The following TANC2 variants were observed in gnomAD, a reference collection of about 807,000 sequenced individuals.
TANC2 encodes protein TANC2.
A neutral mutation model predicts 210.5 loss-of-function variants in TANC2; 26 were observed. That is an observed-to-expected ratio of 0.12 (90% CI 0.09 to 0.17). The LOEUF (loss-of-function observed/expected upper bound fraction) is 0.17, where lower values mean the gene tolerates loss of function less well. TANC2 is among the 10% of genes least tolerant of loss of function. The pLI is 1.00. For synonymous variants in TANC2, 931 were observed against 967.1 expected, an observed-to-expected ratio of 0.96 and a Z score of 0.69; for missense variants, 2,129 against 2,608.9, an observed-to-expected ratio of 0.82 and a Z score of 4.01.
At chr17:63,216,483 G>A (rs2042029981) in intron 7 of TANC2, among the ~76,000 whole-genome samples, 1 of 152,108 alleles carries the variant, frequency 6.6e-6, no homozygotes, top group Admixed American at 6.5e-5. Flanking sequence ...GCAAATTATT[G>A]AACTCGAGGA....
intron 7 of TANC2, among the ~76,000 whole-genome samples, chr17:63,204,456 G>T (rs765116689): frequency 6.6e-6 from 1 of 152,040 alleles, no homozygotes; most frequent in Admixed American, 6.5e-5. Context: ...AATCCCAACA[G>T]TAGTCTTTGC....
intron 3 of TANC2, among the ~76,000 whole-genome samples, chr17:63,090,100 A>G (rs760810800): frequency 4.6e-5 from 7 of 152,056 alleles, no homozygotes; most frequent in African/African-American, 1.4e-4. Context: ...CCCTCAACCT[A>G]ATCCCTAGCA....
At chr17:63,203,899 C>A (rs542246729) in intron 7 of TANC2, among the ~76,000 whole-genome samples, 4 of 152,190 alleles carry the variant, frequency 2.6e-5, no homozygotes, top group Admixed American at 1.3e-4. Flanking sequence ...GGTTGCTTAA[C>A]AAATGACGAA....
chr17:63,335,895 T>TTG (rs1389386291), intron 11 of TANC2, among the ~76,000 whole-genome samples: 1 of 152,086 alleles, frequency 6.6e-6, no homozygotes, highest in Admixed American at 6.5e-5. Context: ...GTGTACTACT[T>TTG]TTGCAACATT....
Position 63,056,912 on chromosome 17 carries a change from G to T in TANC2, c.68-17031G>T, listed in dbSNP as rs1046498382. Among the ~76,000 whole-genome samples, 3 of 152,100 alleles carry T rather than the reference G, an allele frequency of 2.0e-5. No individual in the cohort carries two copies. In the South Asian group the frequency reaches 6.2e-4, roughly 32 times the overall value. Reference sequence around the variant, plus strand: ...ATTTTTTCCCTTTTATTGTTTAGGAGAACAGTCCTGGTGAGGGGAAATGTC... The same window carrying T: ...ATTTTTTCCCTTTTATTGTTTAGGATAACAGTCCTGGTGAGGGGAAATGTC... On this transcript the variant is annotated intron_variant, in intron 2 of 27. Coordinates refer to ENST00000689528, the Ensembl canonical transcript of TANC2.
At chr17:63,144,389 C>T (rs1567760427) in intron 4 of TANC2, among the ~76,000 whole-genome samples, 1 of 152,122 alleles carries the variant, frequency 6.6e-6, no homozygotes. Flanking sequence ...TTTTGCCACA[C>T]TGCATACATG....
At chr17:63,092,932 T>G (rs1465514590) in intron 3 of TANC2, among the ~76,000 whole-genome samples, 1 of 152,168 alleles carries the variant, frequency 6.6e-6, no homozygotes, top group Admixed American at 6.5e-5. Context: ...TTTTTAAAAT[T>G]GGGTAGTTTG....
intron 2 of TANC2, among the ~76,000 whole-genome samples, chr17:63,048,121 GAAGATTAAAAA>G (rs1281984087): frequency 6.6e-6 from 1 of 152,134 alleles, no homozygotes; most frequent in Non-Finnish European, 1.5e-5. Context: ...TGCTTTAGGA[GAAGATTAAAAA>G]ATCCTTTCTA....
intron 16 of TANC2, among the ~76,000 whole-genome samples, 196 bp downstream of exon 16, chr17:63,388,953 T>G (rs2047873270): frequency 6.6e-6 from 1 of 152,234 alleles, no homozygotes; most frequent in Admixed American, 6.5e-5. Flanking sequence ...TCTTAACTTC[T>G]ATAAGCTGAC....
chr17:63,241,443 C>T (rs546890193), intron 8 of TANC2, among the ~76,000 whole-genome samples: 12 of 152,260 alleles, frequency 7.9e-5, no homozygotes, highest in Admixed American at 2.0e-4. Flanking sequence ...AGAGAGCAGT[C>T]AGCAAACCAG....
At chr17:63,087,092 C>G (rs1321364159) in intron 3 of TANC2, among the ~76,000 whole-genome samples, 2 of 152,230 alleles carry the variant, frequency 1.3e-5, no homozygotes, top group African/African-American at 4.8e-5. Flanking sequence ...CCTTTAAGAG[C>G]TGTAACAATC....
chr17:63,154,082 A>G (rs192733476), intron 5 of TANC2: 4 of 152,178 alleles, frequency 2.6e-5, no homozygotes, highest in Non-Finnish European at 4.4e-5. Flanking sequence ...GTTGTATGCA[A>G]AAAATGTGGG....
At chr17:63,124,741 C>T (rs1048949875) in intron 4 of TANC2, among the ~76,000 whole-genome samples, 8 of 152,142 alleles carry the variant, frequency 5.3e-5, no homozygotes, top group Non-Finnish European at 1.0e-4. Flanking sequence ...AGCCTGCAGG[C>T]GAGCAAGCAT....
In TANC2 at chr17:63,159,212, G is replaced by A. The variant is rs1318290205; in HGVS notation, c.433+7832G>A. ...ACTCAAGTGGAGGGAATTACAAAAG[G>A]TCATGATTACAGAAGGGACGGGGAT... On this transcript the variant is annotated intron_variant, in intron 5 of 27. Coordinates refer to ENST00000689528, the Ensembl canonical transcript of TANC2. Among the ~76,000 whole-genome samples, 10 of 152,254 alleles carry A rather than the reference G, an allele frequency of 6.6e-5. No homozygotes were observed. The South Asian group carries it at 1.9e-3, about 28-fold the overall frequency.
At chr17:63,053,978 C>G (rs1163299421) in intron 2 of TANC2, among the ~76,000 whole-genome samples, 1 of 152,180 alleles carries the variant, frequency 6.6e-6, no homozygotes, top group Non-Finnish European at 1.5e-5. Flanking sequence ...GGTCTCTCTG[C>G]TTTGTCTACT....
intron 2 of TANC2, among the ~76,000 whole-genome samples, chr17:63,059,928 A>G (rs567246116): frequency 1.3e-5 from 2 of 152,316 alleles, no homozygotes; most frequent in Admixed American, 1.3e-4. Flanking sequence ...GGCACTAGAC[A>G]TGTCCACTGC....
intron 9 of TANC2, among the ~76,000 whole-genome samples, chr17:63,270,203 C>T (rs1357422308): frequency 2.0e-5 from 3 of 152,042 alleles, no homozygotes; most frequent in Non-Finnish European, 2.9e-5. Context: ...GAACAATAAT[C>T]CTCTCTCAAA....
intron 1 of TANC2, among the ~76,000 whole-genome samples, chr17:62,988,057 T>C (rs1374581890): frequency 3.3e-5 from 5 of 152,150 alleles, no homozygotes; most frequent in African/African-American, 7.2e-5. Context: ...GAGTAATAAT[T>C]TTTATTACAA....
intron 24 of TANC2, chr17:63,413,027 G>GA: frequency 3.0e-6 from 1 of 332,900 alleles, no homozygotes; most frequent in Non-Finnish European, 5.4e-6. Flanking sequence ...CTGTGCTCCT[G>GA]CTTCAAAGTG....
Sources: gnomAD v4.1 joint callset for allele counts (sites outside exome capture counted in the v4.1 genomes callset) on GRCh38, gnomAD v4.1.1 for gene constraint, MANE v1.5 for transcripts, NCBI Gene and HGNC (gene_info 2026-07-23, HGNC 2026-07-21) for gene names.